The following MID1 variants were observed in gnomAD, a reference collection of about 807,000 sequenced individuals.
MID1 encodes midline 1, also known as E3 ubiquitin-protein ligase Midline-1.
In MID1, 7 loss-of-function variants were observed where a neutral mutation model predicts 40.4. That is an observed-to-expected ratio of 0.17 (90% CI 0.10 to 0.33). The LOEUF is 0.33. MID1 is among the 10% of genes least tolerant of loss of function. MID1 has a pLI of 1.00. For missense variants in MID1, 367 were observed against 558.5 expected (o/e 0.66, Z 3.46); for synonymous variants, 229 against 221.2 (o/e 1.04, Z -0.31).
chrX:10,782,919 C>T (rs955876882), intron 1 of MID1, among the ~76,000 whole-genome samples: 2 of 111,294 alleles, frequency 1.8e-5, no homozygotes, highest in African/African-American at 3.3e-5. Flanking sequence ...GAACTACATA[C>T]ACAGAATTTC....
chrX:10,683,945 T>C (rs2043076849), intron 1 of MID1, among the ~76,000 whole-genome samples: 1 of 108,136 alleles, frequency 9.2e-6, no homozygotes, highest in African/African-American at 3.4e-5. Context: ...ACTTTTTCTA[T>C]TTTTAGTAGA....
At chrX:10,569,065 C>T (rs192244285) in intron 1 of MID1, among the ~76,000 whole-genome samples, 3 of 111,785 alleles carry the variant, frequency 2.7e-5, no homozygotes. Context: ...GACAATCAAT[C>T]GTTTGTATTC....
intron 1 of MID1, among the ~76,000 whole-genome samples, chrX:10,691,020 C>T (rs1383259183): frequency 9.0e-6 from 1 of 111,118 alleles, no homozygotes; most frequent in Non-Finnish European, 1.9e-5. Flanking sequence ...ACTCACAGGC[C>T]CAGGATCCTC....
chrX:10,718,834 A>G (rs772101495), intron 1 of MID1, among the ~76,000 whole-genome samples: 4 of 111,902 alleles, frequency 3.6e-5, no homozygotes, highest in African/African-American at 1.3e-4. Flanking sequence ...CAGCACATCA[A>G]AAAGCTTATC....
intron 5 of MID1, among the ~76,000 whole-genome samples, chrX:10,477,528 A>C (rs1279913277): frequency 2.7e-5 from 3 of 112,309 alleles, no homozygotes. Context: ...TCCTAATTGG[A>C]GTGACAGGCA....
intron 2 of MID1, among the ~76,000 whole-genome samples, chrX:10,539,397 C>T (rs899551863): frequency 2.7e-5 from 3 of 111,702 alleles, no homozygotes; most frequent in African/African-American, 9.7e-5. Flanking sequence ...CTATCTGTGA[C>T]CTTCAATATT....
Position 10,809,390 on chromosome X carries a change from G to T in MID1, c.-187+24164C>A, listed in dbSNP as rs751542857. On this transcript the variant is annotated intron_variant, in intron 1 of 10. Coordinates refer to the MID1 transcript ENST00000380785. ...TGTGGCGATTCCTCAAGGACCTAGGGCTAGAAATACCATTTGACCCAGCCA... is the reference window on the plus strand; with the variant it reads ...TGTGGCGATTCCTCAAGGACCTAGGTCTAGAAATACCATTTGACCCAGCCA... Among the ~76,000 whole-genome samples the T allele has an allele frequency of 2.3e-4, 26 of 111,409 alleles. No homozygotes were observed. In the East Asian group the frequency reaches 6.8e-3, roughly 29 times the overall value.
At chrX:10,531,874 G>T (rs974869317) in intron 2 of MID1, among the ~76,000 whole-genome samples, 1 of 111,674 alleles carries the variant, frequency 9.0e-6, no homozygotes, top group African/African-American at 3.3e-5. Context: ...AGAGAGGTGA[G>T]CAAATGACCA....
chrX:10,812,586 A>G (rs1277735496), intron 1 of MID1, among the ~76,000 whole-genome samples: 3 of 111,244 alleles, frequency 2.7e-5, no homozygotes, highest in Non-Finnish European at 3.8e-5. Flanking sequence ...AAGCATCTCT[A>G]TGAGGGATCA....
At chrX:10,808,246 G>T (rs776178635) in intron 1 of MID1, among the ~76,000 whole-genome samples, 2 of 111,805 alleles carry the variant, frequency 1.8e-5, no homozygotes, top group Non-Finnish European at 1.9e-5. Context: ...ATGATCCTAT[G>T]CTGTCCTTCT....
intron 1 of MID1, among the ~76,000 whole-genome samples, chrX:10,601,895 G>GTT (rs1192838576): frequency 9.6e-6 from 1 of 103,930 alleles, no homozygotes; most frequent in African/African-American, 3.7e-5. Context: ...TTTTGTTTTT[G>GTT]TTTTTGTTTT....
At chrX:10,637,925 C>A (rs923285448) in intron 1 of MID1, among the ~76,000 whole-genome samples, 23 of 112,056 alleles carry the variant, frequency 2.1e-4, no homozygotes, top group Admixed American at 5.7e-4. Context: ...ACTACCTTTG[C>A]AACTTTCTGT....
chrX:10,681,034 T>TAAG (rs1235877548), intron 1 of MID1, among the ~76,000 whole-genome samples: 5 of 90,485 alleles, frequency 5.5e-5, no homozygotes, highest in Middle Eastern at 5.5e-3. Context: ...TCAATAATAA[T>TAAG]AATAATAATA....
chrX:10,452,311 ACATTAG>A (rs1928391627), intron 9 of MID1, among the ~76,000 whole-genome samples: 1 of 112,179 alleles, frequency 8.9e-6, no homozygotes, highest in African/African-American at 3.2e-5. Flanking sequence ...CACCAAGTGC[ACATTAG>A]CATTAGAGAG....
chrX:10,616,834 T>C (rs1296271173), intron 1 of MID1, among the ~76,000 whole-genome samples: 2 of 112,908 alleles, frequency 1.8e-5, no homozygotes, highest in African/African-American at 3.2e-5. Context: ...CTGAGCTCTA[T>C]AAACCATGTG....
intron 1 of MID1, among the ~76,000 whole-genome samples, chrX:10,650,068 C>T (rs750900212): frequency 9.0e-6 from 1 of 111,248 alleles, no homozygotes; most frequent in Non-Finnish European, 1.9e-5. Context: ...TCACAGGAGA[C>T]ATATAACTCC....
intron 1 of MID1, among the ~76,000 whole-genome samples, chrX:10,817,586 T>C (rs868729788): frequency 1.9e-5 from 2 of 104,268 alleles, no homozygotes; most frequent in African/African-American, 3.5e-5. Context: ...CTTTCTTTCT[T>C]TCTCTCTCTC....
intron 1 of MID1, among the ~76,000 whole-genome samples, chrX:10,636,785 G>GATAGATATATATATATATATATATATAT (rs1555911853): frequency 2.3e-5 from 1 of 42,719 alleles, no homozygotes; most frequent in Admixed American, 2.5e-4. Flanking sequence ...CAACAATGGG[G>GATAGATATATATATATATATATATATAT]ATATATATAT....
intron 3 of MID1, among the ~76,000 whole-genome samples, chrX:10,508,512 T>A (rs1931957318): frequency 9.0e-6 from 1 of 111,687 alleles, no homozygotes; most frequent in South Asian, 3.8e-4. Context: ...GTACTTTGAT[T>A]GGATGATGTG....
Sources: gnomAD v4.1 joint callset for allele counts (sites outside exome capture counted in the v4.1 genomes callset) on GRCh38, gnomAD v4.1.1 for gene constraint, MANE v1.5 for transcripts, NCBI Gene and HGNC (gene_info 2026-07-23, HGNC 2026-07-21) for gene names.